CNTNAP4: variants seen among roughly 807,000 people sequenced by gnomAD.
CNTNAP4 encodes the protein contactin-associated protein-like 4.
In CNTNAP4, 98 loss-of-function variants were observed where a neutral mutation model predicts 148.4. The observed-to-expected ratio is 0.66, with a 90% CI of 0.56 to 0.78. The LOEUF (loss-of-function observed/expected upper bound fraction) is 0.78. Ranked by LOEUF, CNTNAP4 falls within the 30% of genes least tolerant of loss-of-function variation. CNTNAP4 has a pLI of 0.00. For missense variants in CNTNAP4, 1,935 were observed against 1,565.6 expected (o/e 1.24, Z -3.98); for synonymous variants, 730 against 565.1 (o/e 1.29, Z -4.14).
At chr16:76,511,785 G>T (rs888985951) in intron 15 of CNTNAP4, among the ~76,000 whole-genome samples, 1 of 151,216 alleles carries the variant, frequency 6.6e-6, no homozygotes, top group East Asian at 1.9e-4. Context: ...GAGCAAAAGA[G>T]CAATGAACAA....
At chr16:76,364,566 C>G (rs1325822845) in intron 3 of CNTNAP4, among the ~76,000 whole-genome samples, 1 of 152,102 alleles carries the variant, frequency 6.6e-6, no homozygotes, top group Non-Finnish European at 1.5e-5. Context: ...TCTCTATTCC[C>G]TCTTACCACG....
At chr16:76,442,026 G>C (rs1469115750) in intron 4 of CNTNAP4, among the ~76,000 whole-genome samples, 1 of 152,134 alleles carries the variant, frequency 6.6e-6, no homozygotes, top group Non-Finnish European at 1.5e-5. Flanking sequence ...AATATGTTGT[G>C]TTACCATGGC....
Position 76,558,924 on chromosome 16 carries a change from GA to G in CNTNAP4, c.*242del. 1 of 317,760 alleles carries G rather than the reference GA, an allele frequency of 3.1e-6. No homozygotes were observed. Among genetic ancestry groups the G allele is most frequent in the Non-Finnish European group, 5.7e-6 (1 of 175,306 alleles). The allele number at this position is 317,760 out of a possible 1,614,324, so 19.7% of individuals were successfully genotyped here. A position where few individuals can be genotyped will look rare whatever the true frequency, so the allele number is the denominator to read the frequency against. The stretch of plus-strand genomic sequence containing the variant: ...TGTTAATTTTCAACTGTTCTGGTAT[GA>G]TCTAAAACAAGTTTAACCTGCTTAA... On this transcript the variant is annotated 3_prime_UTR_variant, in exon 24 of 24. Coordinates refer to ENST00000611870, the MANE Select transcript of CNTNAP4 (RefSeq NM_033401.5).
At chr16:76,510,427 T>C (rs928050851) in intron 15 of CNTNAP4, among the ~76,000 whole-genome samples, 1 of 152,038 alleles carries the variant, frequency 6.6e-6, no homozygotes, top group Non-Finnish European at 1.5e-5. Flanking sequence ...TGGATCCACT[T>C]TTTGGATATT....
At chr16:76,283,908 C>T (rs1417881421) in intron 1 of CNTNAP4, among the ~76,000 whole-genome samples, 3 of 151,922 alleles carry the variant, frequency 2.0e-5, no homozygotes, top group African/African-American at 4.8e-5. Context: ...TGATCTAGCT[C>T]CTGAAAACAG....
At chr16:76,309,744 G>T (rs1438965463) in intron 1 of CNTNAP4, 2 of 655,444 alleles carry the variant, frequency 3.1e-6, no homozygotes, top group Non-Finnish European at 5.6e-6. Context: ...ATTGAATTGG[G>T]GTTTGGGCGG....
chr16:76,506,536 A>G (rs73618181), intron 15 of CNTNAP4, among the ~76,000 whole-genome samples: 6,788 of 70,350 alleles, frequency 0.096, 1,279 homozygotes, highest in African/African-American at 0.2. Flanking sequence ...GCTGGAATGC[A>G]GTTGGCTCAT....
rs2143196820 is a variant in CNTNAP4, at chr16:76,449,868, T to A, written c.1071+10T>A. Reference sequence around the variant, plus strand: ...ACAGATCATTGCTATGGTGAGAGTCTTTATGCGAAGACATTAGTAAAACTA... The same window carrying A: ...ACAGATCATTGCTATGGTGAGAGTCATTATGCGAAGACATTAGTAAAACTA... On this transcript the variant is annotated intron_variant, in intron 7 of 23. Coordinates refer to ENST00000611870, the MANE Select transcript of CNTNAP4 (RefSeq NM_033401.5). 1 of 1,593,230 alleles carries A rather than the reference T, an allele frequency of 6.3e-7. No individual in the cohort carries two copies.
chr16:76,277,779 T>C (rs774324293), intron 1 of CNTNAP4, 32 bp downstream of exon 1: 13 of 1,339,680 alleles, frequency 9.7e-6, no homozygotes, highest in Non-Finnish European at 1.4e-5. Flanking sequence ...TAAAACTTGC[T>C]GGGGGGCTCT....
intron 3 of CNTNAP4, among the ~76,000 whole-genome samples, chr16:76,416,863 G>A (rs1249630624): frequency 6.6e-6 from 1 of 151,262 alleles, no homozygotes; most frequent in African/African-American, 2.4e-5. Context: ...CATTCTATCA[G>A]TATTTGCCTC....
chr16:76,398,525 G>A (rs2078290797), intron 3 of CNTNAP4, among the ~76,000 whole-genome samples: 2 of 152,056 alleles, frequency 1.3e-5, no homozygotes, highest in Non-Finnish European at 2.9e-5. Flanking sequence ...GCAGCTACAT[G>A]CACGTCCCTT....
chr16:76,427,176 T>G (rs898299880), intron 3 of CNTNAP4, among the ~76,000 whole-genome samples: 1 of 152,204 alleles, frequency 6.6e-6, no homozygotes, highest in African/African-American at 2.4e-5. Flanking sequence ...ATCTACACTT[T>G]ACAGAAGCAA....
rs1160774487 is a variant in CNTNAP4 at position 76,538,098 on chromosome 16, A to G, written c.2996-18A>G. On this transcript the variant is annotated intron_variant, in intron 18 of 23. Transcript: ENST00000611870. ...TACTTAAAATTTTTAACAAAAATAT[A>G]TATATATATTATTTCAGAGATTTCT... 3 of 1,115,634 alleles carry G rather than the reference A, an allele frequency of 2.7e-6. No individual in the cohort carries two copies. Among genetic ancestry groups the G allele is most frequent in the Non-Finnish European group, 3.6e-6 (3 of 831,952 alleles). 69.1% of individuals were successfully genotyped at this position (1,115,634 alleles called of 1,614,324 possible).
intron 3 of CNTNAP4, among the ~76,000 whole-genome samples, chr16:76,360,220 C>T (rs902807027): frequency 1.3e-5 from 2 of 152,118 alleles, no homozygotes; most frequent in African/African-American, 4.8e-5. Context: ...CACAGAGACC[C>T]TGTGGCATGG....
intron 10 of CNTNAP4, among the ~76,000 whole-genome samples, chr16:76,468,537 G>C (rs1422022917): frequency 6.6e-6 from 1 of 152,008 alleles, no homozygotes; most frequent in Admixed American, 6.5e-5. Flanking sequence ...GCCCAAGCTA[G>C]AGTGCAGTGG....
chr16:76,448,727 A>G lies in CNTNAP4; in HGVS notation c.743-40A>G. 4 of 1,423,868 alleles carry G rather than the reference A, an allele frequency of 2.8e-6. No individual in the cohort carries two copies. The South Asian group carries it at 4.2e-5, about 15-fold the overall frequency. 88.2% of individuals were successfully genotyped at this position (1,423,868 alleles called of 1,614,324 possible). A position where few individuals can be genotyped will look rare whatever the true frequency, so the allele number is the denominator to read the frequency against. On this transcript the variant is annotated intron_variant, in intron 5 of 23. Transcript: ENST00000611870. ...GGGAACCTTTTTTTTTTTTCTTTAG[A>G]CTGGCAATAATGGTGCTGTTATTTT...
At chr16:76,494,085 T>A (rs1363267646) in intron 13 of CNTNAP4, among the ~76,000 whole-genome samples, 1 of 5,770 alleles carries the variant, frequency 1.7e-4, no homozygotes, top group Non-Finnish European at 1.6e-3. Context: ...TCCTCCATAC[T>A]TTTTTTTTTT....
intron 2 of CNTNAP4, among the ~76,000 whole-genome samples, chr16:76,327,053 C>G (rs540260436): frequency 6.6e-6 from 1 of 152,032 alleles, no homozygotes; most frequent in Non-Finnish European, 1.5e-5. Flanking sequence ...GACATGTCTT[C>G]TTTTCCAACA....
intron 15 of CNTNAP4, among the ~76,000 whole-genome samples, chr16:76,520,572 C>T (rs1023330629): frequency 6.6e-6 from 1 of 152,088 alleles, no homozygotes; most frequent in African/African-American, 2.4e-5. Flanking sequence ...ATGAGAATGT[C>T]AGCTTGGACA....
Sources: allele counts gnomAD v4.1 joint callset (sites outside exome capture counted in the v4.1 genomes callset), GRCh38; gene constraint gnomAD v4.1.1; transcripts MANE v1.5; gene names NCBI Gene and HGNC (gene_info 2026-07-23, HGNC 2026-07-21).